The following UMAD1 variants were observed in gnomAD, a reference collection of about 807,000 sequenced individuals.
The protein encoded by UMAD1 is UBAP1-MVB12-associated (UMA)-domain containing protein 1.
Under a neutral mutation model 6.1 loss-of-function variants are expected in UMAD1, and 8 were observed. The ratio of observed to expected loss-of-function variants is 1.30; its 90% CI spans 0.76 to 2.35. UMAD1 has a LOEUF of 2.35. Among genes scored for constraint, UMAD1 ranks in the 30% most tolerant of loss-of-function variants. The probability of loss-of-function intolerance (pLI) is 0.00; values close to 1 mark genes in which losing one functional copy is unlikely to be tolerated. For missense variants in UMAD1, 130 were observed against 78.4 expected (o/e 1.66, Z -2.49); for synonymous variants, 56 against 31.4 (o/e 1.78, Z -2.61).
intron 2 of UMAD1, among the ~76,000 whole-genome samples, chr7:7,782,575 TA>T (rs1438356101): frequency 5.3e-5 from 8 of 152,164 alleles, no homozygotes; most frequent in Admixed American, 3.9e-4. Flanking sequence ...ATTGTAGGGT[TA>T]TTTTTTTGTT....
At chr7:7,853,020 G>C (rs1783947021) in intron 3 of UMAD1, among the ~76,000 whole-genome samples, 1 of 152,210 alleles carries the variant, frequency 6.6e-6, no homozygotes, top group Non-Finnish European at 1.5e-5. Context: ...GCCATGAAAA[G>C]AGGGCAGGAG....
At chr7:7,650,129 A>C (rs1343426604) in intron 1 of UMAD1, among the ~76,000 whole-genome samples, 2 of 152,222 alleles carry the variant, frequency 1.3e-5, no homozygotes, top group Non-Finnish European at 2.9e-5. Context: ...CTGTAATTCC[A>C]TTTACCTTTT....
rs142588254 is a variant in UMAD1 at position 7,842,348 on chromosome 7, T to A, written c.157-34933T>A. On this transcript the variant is annotated intron_variant, in intron 3 of 3. Transcript: ENST00000682710. ...TAATGGTTTTTATCATCGTTTATTT[T>A]TTGTTGTTGTATTTCTAATCCAAAA... 9.5e-4 allele frequency among the ~76,000 whole-genome samples: 144 copies of A among 152,322 alleles called. 1 individual carries two copies. The highest frequency in any genetic ancestry group is 3.2e-3 in the African/African-American group (133 of 41,580).
intron 2 of UMAD1, among the ~76,000 whole-genome samples, chr7:7,759,411 A>G (rs1781840744): frequency 6.6e-6 from 1 of 152,252 alleles, no homozygotes; most frequent in Admixed American, 6.5e-5. Context: ...CAGAGGACTC[A>G]GGCCCTCTAC....
At position 7,869,743 on chromosome 7, in the gene UMAD1, G is replaced by A. The variant is rs149322143; in HGVS notation, c.157-7538G>A. Among the ~76,000 whole-genome samples the A allele has an allele frequency of 8.6e-4, 131 of 152,278 alleles. 1 individual carries two copies. The highest frequency in any genetic ancestry group is 2.9e-3 in the African/African-American group (120 of 41,560). ...TTGTTAGTGCGTCTGCAAAGTTGGC[G>A]CCTCCTAATAGACTTCATGGTGGTT... On this transcript the variant is annotated intron_variant, in intron 3 of 3. Coordinates refer to ENST00000682710, the MANE Select transcript of UMAD1 (RefSeq NM_001302348.2).
intron 2 of UMAD1, among the ~76,000 whole-genome samples, chr7:7,711,609 G>T (rs549219616): frequency 3.4e-4 from 52 of 152,114 alleles, no homozygotes; most frequent in Non-Finnish European, 5.7e-4. Flanking sequence ...AATGGAATTG[G>T]ACATTTTTAT....
Position 7,877,255 on chromosome 7 carries a change from A to T in UMAD1, c.157-26A>T, listed in dbSNP as rs1784436333. On this transcript the variant is annotated intron_variant, in intron 3 of 3. Transcript: ENST00000682710. ...TCAACCTCAAAGTTCACAAGGCCTAAATGTTTTAAATGTATGTATTTTTAG... is the reference window on the plus strand; with the variant it reads ...TCAACCTCAAAGTTCACAAGGCCTATATGTTTTAAATGTATGTATTTTTAG... 3 of 703,756 alleles carry T rather than the reference A, an allele frequency of 4.3e-6. 1 individual carries two copies. In the Admixed American group the frequency reaches 6.0e-5, roughly 14 times the overall value. The allele number at this position is 703,756 out of a possible 1,614,324, so 43.6% of individuals were successfully genotyped here. A position where few individuals can be genotyped will look rare whatever the true frequency, so the allele number is the denominator to read the frequency against.
chr7:7,773,566 A>C (rs960693155), intron 2 of UMAD1, among the ~76,000 whole-genome samples: 2 of 152,206 alleles, frequency 1.3e-5, no homozygotes, highest in African/African-American at 4.8e-5. Flanking sequence ...TCTAAAAAAA[A>C]ACACAATAAC....
chr7:7,648,319 T>C (rs910733325), intron 1 of UMAD1, among the ~76,000 whole-genome samples: 1 of 152,268 alleles, frequency 6.6e-6, no homozygotes. Flanking sequence ...CAGTAAACCA[T>C]AGACTTTATA....
intron 2 of UMAD1, among the ~76,000 whole-genome samples, chr7:7,682,322 C>G (rs1201715840): frequency 6.6e-6 from 1 of 151,814 alleles, no homozygotes; most frequent in Non-Finnish European, 1.5e-5. Context: ...GTTTTCCAGT[C>G]TCAATGATCA....
At chr7:7,789,255 C>A (rs868288444) in intron 2 of UMAD1, among the ~76,000 whole-genome samples, 5 of 152,172 alleles carry the variant, frequency 3.3e-5, no homozygotes, top group Admixed American at 1.3e-4. Flanking sequence ...TGAGCCGTAA[C>A]CAATTCTATG....
intron 3 of UMAD1, among the ~76,000 whole-genome samples, chr7:7,851,362 T>C (rs562037161): frequency 3.6e-4 from 55 of 152,364 alleles, no homozygotes; most frequent in Admixed American, 1.6e-3. Flanking sequence ...AATACTATTC[T>C]GAACATTTAT....
chr7:7,660,875 G>A (rs953657700), intron 1 of UMAD1, among the ~76,000 whole-genome samples: 33 of 152,178 alleles, frequency 2.2e-4, no homozygotes, highest in Non-Finnish European at 4.0e-4. Context: ...AAGTTCTCCT[G>A]GATAATATCC....
At chr7:7,725,400 G>A (rs1361806427) in intron 2 of UMAD1, among the ~76,000 whole-genome samples, 1 of 152,198 alleles carries the variant, frequency 6.6e-6, no homozygotes, top group Non-Finnish European at 1.5e-5. Context: ...TAATGTATCG[G>A]TGGCAGATAG....
intron 2 of UMAD1, chr7:7,742,626 C>A (rs1325214884): frequency 1.1e-5 from 4 of 378,220 alleles, no homozygotes; most frequent in Non-Finnish European, 1.5e-5. Flanking sequence ...TAGTAATAAG[C>A]CGAAAAGAAC....
intron 2 of UMAD1, among the ~76,000 whole-genome samples, chr7:7,678,528 A>C (rs889890565): frequency 1.4e-5 from 2 of 140,436 alleles, no homozygotes; most frequent in African/African-American, 5.2e-5. Flanking sequence ...AAATATATTT[A>C]TATACTTAAT....
intron 3 of UMAD1, among the ~76,000 whole-genome samples, chr7:7,804,833 T>G (rs574352909): frequency 6.6e-6 from 1 of 151,346 alleles, no homozygotes; most frequent in African/African-American, 2.4e-5. Flanking sequence ...TACAAAAAAT[T>G]AGCTGGGCAC....
chr7:7,847,829 G>T (rs1437551180), intron 3 of UMAD1, among the ~76,000 whole-genome samples: 1 of 152,126 alleles, frequency 6.6e-6, no homozygotes, highest in Non-Finnish European at 1.5e-5. Flanking sequence ...GGGATTACAG[G>T]CATGAGGCAC....
At chr7:7,867,071 A>G (rs1229570544) in intron 3 of UMAD1, among the ~76,000 whole-genome samples, 1 of 152,168 alleles carries the variant, frequency 6.6e-6, no homozygotes, top group Non-Finnish European at 1.5e-5. Context: ...CTGGGCAACT[A>G]TATAGGTTCT....
Sources: gnomAD v4.1 joint callset for allele counts (sites outside exome capture counted in the v4.1 genomes callset) on GRCh38, gnomAD v4.1.1 for gene constraint, MANE v1.5 for transcripts, NCBI Gene and HGNC (gene_info 2026-07-23, HGNC 2026-07-21) for gene names.